The following RREB1 variants were observed in gnomAD, a reference collection of about 807,000 sequenced individuals.
RREB1 encodes ras responsive element binding protein 1, also known as ras-responsive element-binding protein 1.
RREB1 carries 27 observed loss-of-function variants against 117.8 expected under a neutral mutation model. The observed-to-expected ratio is 0.23, with a 90% CI of 0.17 to 0.32. The LOEUF (loss-of-function observed/expected upper bound fraction) is 0.32. Among genes scored for constraint, RREB1 ranks in the 10% least tolerant of loss-of-function variants. The probability of loss-of-function intolerance (pLI) is 1.00; values close to 1 mark genes in which losing one functional copy is unlikely to be tolerated. For missense variants in RREB1, 2,577 were observed against 2,378.2 expected (o/e 1.08, Z -1.74); for synonymous variants, 1,298 against 1,026.7 (o/e 1.26, Z -5.05).
intron 10 of RREB1, among the ~76,000 whole-genome samples, chr6:7,233,676 A>G (rs866418725): frequency 5.3e-5 from 8 of 152,200 alleles, no homozygotes; most frequent in South Asian, 2.1e-4. Flanking sequence ...TGGTAACCCA[A>G]GGTAGTCAGG....
At chr6:7,226,680 C>G (rs1484070680) in intron 9 of RREB1, 24 bp downstream of exon 9, 1 of 1,575,260 alleles carries the variant, frequency 6.3e-7, no homozygotes, top group African/African-American at 1.4e-5. Flanking sequence ...CCCATGGAAG[C>G]AACCAGCAAC....
chr6:7,112,837 C>T (rs543318694), intron 1 of RREB1, among the ~76,000 whole-genome samples: 3 of 152,328 alleles, frequency 2.0e-5, no homozygotes, highest in South Asian at 4.1e-4. Flanking sequence ...TCTCTTGTCA[C>T]GTTCTCTGGT....
chr6:7,204,434 CAT>C (rs1326250356), intron 6 of RREB1, among the ~76,000 whole-genome samples: 4 of 152,084 alleles, frequency 2.6e-5, no homozygotes, highest in Non-Finnish European at 5.9e-5. Flanking sequence ...AACATACACA[CAT>C]CTTTCTAGAA....
chr6:7,201,053 G>T (rs1193576601), intron 6 of RREB1, among the ~76,000 whole-genome samples: 1 of 152,240 alleles, frequency 6.6e-6, no homozygotes, highest in Non-Finnish European at 1.5e-5. Context: ...GCAGGCAGTG[G>T]TGAGAGTGAG....
At chr6:7,204,782 G>T (rs1766174945) in intron 6 of RREB1, among the ~76,000 whole-genome samples, 1 of 152,290 alleles carries the variant, frequency 6.6e-6, no homozygotes, top group Admixed American at 6.5e-5. Flanking sequence ...GCAAATACTG[G>T]AAGTGTCTAG....
chr6:7,182,046 G>A lies in RREB1; in HGVS notation c.135G>A (p.Lys45=). The change falls in exon 4 of 13, where the codon AAG becomes AAA. Residue 45 remains lysine (K), a synonymous_variant. Transcript: ENST00000379938. ...CCCAGGGGATCAAGTCCCCCTCGAA[G>A]CCTCCAGGACCAAATCGGATTGGCA... The part of the protein sequence containing the change: ...GSPQGIKSPS[K]PPGPNRIGRR... The A allele has an allele frequency of 6.2e-7, 1 of 1,613,986 alleles. No homozygotes were observed. The highest frequency in any genetic ancestry group is 8.5e-7 in the Non-Finnish European group (1 of 1,179,968).
chr6:7,240,513 G>T lies in RREB1; in HGVS notation c.3884G>T (p.Arg1295Leu). 1 of 1,613,636 alleles carries T rather than the reference G, an allele frequency of 6.2e-7. No individual in the cohort carries two copies. The highest frequency in any genetic ancestry group is 8.5e-7 in the Non-Finnish European group (1 of 1,179,744). Reference protein sequence around the residue: ...TKSNCERHQLRKHGVTTCSLR... With the variant: ...TKSNCERHQLLKHGVTTCSLR... Reference sequence around the variant, plus strand: ...TCTAACTGTGAACGCCACCAGTTGCGCAAACACGGAGTTACCACCTGTTCC... The same window carrying T: ...TCTAACTGTGAACGCCACCAGTTGCTCAAACACGGAGTTACCACCTGTTCC... Residue 1295 changes from arginine (R) to leucine (L), a missense_variant, in exon 11 of 13, where the codon CGC (arginine) becomes CTC (leucine). By Grantham distance (102) the Arg-to-Leu change is moderately radical. Transcript: ENST00000379938.
intron 6 of RREB1, among the ~76,000 whole-genome samples, chr6:7,205,496 A>G (rs1766220567): frequency 6.6e-6 from 1 of 152,188 alleles, no homozygotes; most frequent in Non-Finnish European, 1.5e-5. Flanking sequence ...ATTGCATCAC[A>G]TGGTCTCTGT....
At chr6:7,242,358 C>G (rs751344247) in intron 11 of RREB1, among the ~76,000 whole-genome samples, 11 of 152,132 alleles carry the variant, frequency 7.2e-5, no homozygotes, top group Non-Finnish European at 1.5e-4. Flanking sequence ...TTGTCCAAAT[C>G]CCAACAAAGC....
chr6:7,249,114 G>A lies in RREB1; in HGVS notation c.*146G>A. Reference sequence around the variant, plus strand: ...GAGAGAGAGAGAGAGACAAGCAGGAGCGTGGCTGCTCGCTCAGTGCCATAG... The same window carrying A: ...GAGAGAGAGAGAGAGACAAGCAGGAACGTGGCTGCTCGCTCAGTGCCATAG... On this transcript the variant is annotated 3_prime_UTR_variant, in exon 13 of 13. Transcript: ENST00000379938. The A allele has an allele frequency of 1.4e-6, 1 of 709,352 alleles. No individual in the cohort carries two copies. Among genetic ancestry groups the A allele is most frequent in the Non-Finnish European group, 2.2e-6 (1 of 444,464 alleles). The allele number at this position is 709,352 out of a possible 1,614,324, so 43.9% of individuals were successfully genotyped here.
chr6:7,109,417 G>C (rs1044179116), intron 1 of RREB1, among the ~76,000 whole-genome samples: 1 of 152,134 alleles, frequency 6.6e-6, no homozygotes, highest in African/African-American at 2.4e-5. Flanking sequence ...TTTCTGGACC[G>C]GGCCAAGGGC....
intron 6 of RREB1, among the ~76,000 whole-genome samples, chr6:7,193,237 G>GT (rs1382993644): frequency 6.6e-6 from 1 of 152,198 alleles, no homozygotes. Flanking sequence ...ACTGAGACTT[G>GT]TTTTATCACC....
At chr6:7,141,395 A>G (rs528621195) in intron 1 of RREB1, among the ~76,000 whole-genome samples, 98 of 152,314 alleles carry the variant, frequency 6.4e-4, no homozygotes, top group African/African-American at 2.3e-3. Context: ...TGCCTTTAGC[A>G]ACTCAGCTCC....
At position 7,250,889 on chromosome 6, in the gene RREB1, G is replaced by A. The variant is rs1227219789; in HGVS notation, c.*1921G>A. On this transcript the variant is annotated 3_prime_UTR_variant, in exon 13 of 13. Coordinates refer to ENST00000379938, the MANE Select transcript of RREB1 (RefSeq NM_001003699.4). The stretch of plus-strand genomic sequence containing the variant: ...GTTTAAAAACGAGGTTTTATTTACT[G>A]TAGAGATGAATGCAAATCAGAACCA... 6.6e-6 allele frequency: 1 copy of A among 152,148 alleles called. No individual in the cohort carries two copies. Among genetic ancestry groups the A allele is most frequent in the Non-Finnish European group, 1.5e-5 (1 of 68,034 alleles). 9.4% of individuals were successfully genotyped at this position (152,148 alleles called of 1,614,324 possible). A position where few individuals can be genotyped will look rare whatever the true frequency, so the allele number is the denominator to read the frequency against.
intron 1 of RREB1, among the ~76,000 whole-genome samples, chr6:7,114,812 G>A (rs891853514): frequency 6.6e-6 from 1 of 152,146 alleles, no homozygotes; most frequent in Admixed American, 6.5e-5. Context: ...TGAAAACCCC[G>A]TAGTAAATGA....
chr6:7,201,477 G>A (rs1765974587), intron 6 of RREB1, among the ~76,000 whole-genome samples: 1 of 151,746 alleles, frequency 6.6e-6, no homozygotes, highest in South Asian at 2.1e-4. Flanking sequence ...TAAGGAAGGT[G>A]ATTAGTGGCA....
intron 1 of RREB1, among the ~76,000 whole-genome samples, chr6:7,164,057 C>T (rs1269318620): frequency 6.6e-6 from 1 of 152,130 alleles, no homozygotes; most frequent in African/African-American, 2.4e-5. Flanking sequence ...ATAGAGGCAC[C>T]GTTCTAAGTT....
At chr6:7,136,379 G>A (rs1581432214) in intron 1 of RREB1, among the ~76,000 whole-genome samples, 1 of 152,198 alleles carries the variant, frequency 6.6e-6, no homozygotes, top group South Asian at 2.1e-4. Context: ...AGTAGCTTCA[G>A]ATCCCAATGG....
intron 10 of RREB1, among the ~76,000 whole-genome samples, chr6:7,238,821 G>A (rs901419204): frequency 1.2e-4 from 18 of 152,168 alleles, no homozygotes; most frequent in African/African-American, 2.2e-4. Context: ...TCTTAAAAGC[G>A]CCTGAGGAGA....
Sources: allele counts gnomAD v4.1 joint callset (sites outside exome capture counted in the v4.1 genomes callset), GRCh38; gene constraint gnomAD v4.1.1; transcripts MANE v1.5; gene names NCBI Gene and HGNC (gene_info 2026-07-23, HGNC 2026-07-21).